NUMB: variants seen among roughly 807,000 people sequenced by gnomAD.
NUMB encodes the protein protein numb homolog.
NUMB carries 29 observed loss-of-function variants against 59.7 expected under a neutral mutation model. The ratio of observed to expected loss-of-function variants is 0.49; its 90% CI spans 0.36 to 0.66. The LOEUF (loss-of-function observed/expected upper bound fraction) is 0.66. Among genes scored for constraint, NUMB ranks in the 30% least tolerant of loss-of-function variants. NUMB has a pLI of 0.00. For missense variants in NUMB, 723 were observed against 822.0 expected (o/e 0.88, Z 1.47); for synonymous variants, 288 against 288.2 (o/e 1.00, Z 0.01).
At chr14:73,385,494 GC>G (rs34037569) in intron 2 of NUMB, among the ~76,000 whole-genome samples, 21,769 of 113,324 alleles carry the variant, frequency 0.19, 2,514 homozygotes, top group Non-Finnish European at 0.21. Context: ...ATGGCTAGTG[GC>G]CTTTTTTTTT....
intron 4 of NUMB, among the ~76,000 whole-genome samples, chr14:73,332,840 A>G (rs759033666): frequency 7.1e-5 from 7 of 98,110 alleles, no homozygotes. Flanking sequence ...GATATTTCAC[A>G]TACAGGGAAG....
chr14:73,406,105 T>TTA (rs1051895862), intron 2 of NUMB, among the ~76,000 whole-genome samples: 4 of 151,944 alleles, frequency 2.6e-5, no homozygotes, highest in African/African-American at 4.8e-5. Context: ...TTTTTTTTTT[T>TTA]TTATTATACT....
Position 73,352,517 on chromosome 14 carries a change from TATATATATATATG to T in NUMB, c.126+3096_126+3108del, listed in dbSNP as rs1566756417. Among the ~76,000 whole-genome samples the T allele has an allele frequency of 1.6e-3, 39 of 24,360 alleles. 1 individual carries two copies. Among genetic ancestry groups the T allele is most frequent in the Non-Finnish European group, 2.3e-3 (30 of 13,260 alleles). 16.0% of individuals were successfully genotyped at this position (24,360 alleles called of 152,430 possible). A position where few individuals can be genotyped will look rare whatever the true frequency, so the allele number is the denominator to read the frequency against. ...ATATATATATATATATATATATATATATATATATATATGTTTTTTTTTTTTTTTTTTTTTTGAG... is the reference window on the plus strand; with the variant it reads ...ATATATATATATATATATATATATATTTTTTTTTTTTTTTTTTTTTTTGAG... On this transcript the variant is annotated intron_variant, in intron 4 of 12. Transcript: ENST00000555238.
intron 6 of NUMB, among the ~76,000 whole-genome samples, chr14:73,309,718 T>TATAATA (rs199953380): frequency 0.42 from 57,138 of 136,906 alleles, 12,827 homozygotes; most frequent in Non-Finnish European, 0.52. Context: ...GAACTTAAGG[T>TATAATA]ATAATAATAA....
intron 1 of NUMB, among the ~76,000 whole-genome samples, chr14:73,418,771 C>T (rs1466238794): frequency 1.4e-5 from 2 of 145,616 alleles, no homozygotes; most frequent in South Asian, 2.1e-4. Flanking sequence ...AACTCTGTCT[C>T]GAAAAAAAAA....
At chr14:73,388,327 A>T (rs990281958) in intron 2 of NUMB, among the ~76,000 whole-genome samples, 2 of 152,356 alleles carry the variant, frequency 1.3e-5, no homozygotes, top group East Asian at 3.9e-4. Flanking sequence ...TAATAGAAGA[A>T]ACCTTATCAC....
At chr14:73,314,018 T>C (rs1355300662) in intron 6 of NUMB, among the ~76,000 whole-genome samples, 1 of 152,040 alleles carries the variant, frequency 6.6e-6, no homozygotes. Flanking sequence ...CCAACCAACA[T>C]GGTGAAACCC....
At position 73,276,717 on chromosome 14, in the gene NUMB, A is replaced by G. The variant is rs750705159; in HGVS notation, c.1817T>C (p.Val606Ala). The G allele has an allele frequency of 5.6e-6, 9 of 1,614,128 alleles. No homozygotes were observed. Among genetic ancestry groups the G allele is most frequent in the Non-Finnish European group, 7.6e-6 (9 of 1,180,016 alleles). ...RLASADRHTE[V>A]PTGTCPVDPF... The stretch of plus-strand genomic sequence containing the variant: ...ATCCACTGGGCAGGTGCCTGTAGGA[A>G]CCTCTGTATGCCTGTCTGCTGAGGC... The change falls in exon 13 of 13, where the codon GTT (valine) becomes GCT (alanine). Residue 606 changes from valine to alanine, a missense_variant. Around this residue, in one of 2 missense-constraint regions of NUMB, gnomAD observed 406 missense variants for 385.4 expected, o/e 1.05. Transcript: ENST00000555238.
intron 1 of NUMB, among the ~76,000 whole-genome samples, chr14:73,450,467 T>C (rs1883841520): frequency 6.6e-6 from 1 of 152,160 alleles, no homozygotes; most frequent in Admixed American, 6.5e-5. Context: ...GATACTAGTT[T>C]GGAGGAAAAA....
intron 4 of NUMB, among the ~76,000 whole-genome samples, chr14:73,352,949 AGCATATACCTG>A (rs1027599883): frequency 2.0e-5 from 3 of 151,484 alleles, no homozygotes; most frequent in Admixed American, 6.6e-5. Context: ...CTTACCACCT[AGCATATACCTG>A]GCATATGACA....
intron 4 of NUMB, among the ~76,000 whole-genome samples, chr14:73,344,282 C>T (rs1032403707): frequency 3.3e-5 from 5 of 152,146 alleles, no homozygotes; most frequent in Admixed American, 2.0e-4. Flanking sequence ...CAGGTTATTA[C>T]ATTTTACATG....
At chr14:73,429,760 T>C (rs1361225109) in intron 1 of NUMB, among the ~76,000 whole-genome samples, 7 of 152,002 alleles carry the variant, frequency 4.6e-5, no homozygotes, top group Admixed American at 2.0e-4. Flanking sequence ...CTGGCCAACA[T>C]GGTGAAACCC....
intron 1 of NUMB, among the ~76,000 whole-genome samples, chr14:73,422,798 C>A (rs1897409796): frequency 6.6e-6 from 1 of 151,526 alleles, no homozygotes; most frequent in Non-Finnish European, 1.5e-5. Flanking sequence ...GATCTGCTCC[C>A]AGGATTCAAT....
intron 6 of NUMB, chr14:73,297,672 C>G (rs578145338): frequency 2.4e-5 from 4 of 169,578 alleles, no homozygotes; most frequent in African/African-American, 4.8e-5. Flanking sequence ...AGTTACACCA[C>G]AAGTAGCGTC....
chr14:73,363,719 T>C (rs996418330), intron 3 of NUMB, among the ~76,000 whole-genome samples: 1 of 152,034 alleles, frequency 6.6e-6, no homozygotes, highest in Admixed American at 6.6e-5. Flanking sequence ...GAGGCTGAGG[T>C]GGAAGGACTG....
At chr14:73,452,700 G>A (rs187182836) in intron 1 of NUMB, among the ~76,000 whole-genome samples, 1 of 152,318 alleles carries the variant, frequency 6.6e-6, no homozygotes, top group East Asian at 1.9e-4. Context: ...AAGTGGGAAA[G>A]GTTGGTCTAG....
At chr14:73,315,872 T>C (rs962404701) in intron 6 of NUMB, among the ~76,000 whole-genome samples, 2 of 152,144 alleles carry the variant, frequency 1.3e-5, no homozygotes, top group African/African-American at 4.8e-5. Context: ...TTTAACCTAC[T>C]TGATTCATTT....
chr14:73,393,282 A>C (rs1208120228), intron 2 of NUMB, among the ~76,000 whole-genome samples: 2 of 152,250 alleles, frequency 1.3e-5, no homozygotes, highest in Non-Finnish European at 2.9e-5. Flanking sequence ...ACAGCTATCC[A>C]GTCTACCACA....
intron 1 of NUMB, among the ~76,000 whole-genome samples, chr14:73,420,063 G>A (rs774586185): frequency 3.9e-5 from 6 of 152,086 alleles, no homozygotes; most frequent in East Asian, 1.9e-4. Context: ...ATGGGGTTTC[G>A]CCATGTTGGC....
Sources: allele counts gnomAD v4.1 joint callset (sites outside exome capture counted in the v4.1 genomes callset), GRCh38; gene constraint gnomAD v4.1.1; regional missense constraint gnomAD v4.1.1; transcripts MANE v1.5; gene names NCBI Gene and HGNC (gene_info 2026-07-23, HGNC 2026-07-21).